The following LYST variants were observed in gnomAD, a reference collection of about 807,000 sequenced individuals.
LYST encodes lysosomal trafficking regulator, also known as lysosomal-trafficking regulator.
A neutral mutation model predicts 413.6 loss-of-function variants in LYST; 192 were observed. The observed-to-expected ratio is 0.46, with a 90% CI of 0.41 to 0.52. LYST has a LOEUF of 0.52. LYST is among the 20% of genes least tolerant of loss of function. The probability of loss-of-function intolerance (pLI) is 0.00; values close to 1 mark genes in which losing one functional copy is unlikely to be tolerated. For synonymous variants in LYST, 1,525 were observed against 1,567.3 expected (o/e 0.97, Z 0.64); for missense variants, 3,815 against 4,499.9 (o/e 0.85, Z 4.35).
intron 44 of LYST, among the ~76,000 whole-genome samples, chr1:235,706,555 A>G (rs1023005532): frequency 3.3e-5 from 5 of 152,164 alleles, no homozygotes; most frequent in Non-Finnish European, 7.4e-5. Flanking sequence ...CATTAAATAA[A>G]TTTATATGCT....
chr1:235,741,120 C>T (rs917806310), intron 31 of LYST, among the ~76,000 whole-genome samples: 1 of 151,996 alleles, frequency 6.6e-6, no homozygotes, highest in Non-Finnish European at 1.5e-5. Context: ...TTTAAAAAGC[C>T]TCCAAACAAT....
chr1:235,807,556 C>T (rs542692822), intron 5 of LYST, among the ~76,000 whole-genome samples: 4 of 152,106 alleles, frequency 2.6e-5, no homozygotes, highest in African/African-American at 9.7e-5. Context: ...ATTGATTTAA[C>T]ATCAATAATA....
At chr1:235,817,053 G>A (rs1259884595) in intron 3 of LYST, among the ~76,000 whole-genome samples, 2 of 151,982 alleles carry the variant, frequency 1.3e-5, no homozygotes, top group African/African-American at 2.4e-5. Context: ...ATTAAAAAGC[G>A]GCCAAAGGAC....
intron 1 of LYST, among the ~76,000 whole-genome samples, chr1:235,876,768 A>G (rs896630558): frequency 6.6e-6 from 1 of 152,232 alleles, no homozygotes; most frequent in African/African-American, 2.4e-5. Flanking sequence ...TGAGAGGCAC[A>G]GTCCTGTCAT....
Position 235,661,507 on chromosome 1 carries a change from A to G in LYST, c.*1433T>C, listed in dbSNP as rs1203382765. The G allele has an allele frequency of 6.6e-6, 1 of 152,444 alleles. No homozygotes were observed. Among genetic ancestry groups the G allele is most frequent in the East Asian group, 1.9e-4 (1 of 5,192 alleles). The allele number at this position is 152,444 out of a possible 1,614,324, so 9.4% of individuals were successfully genotyped here. Reference sequence around the variant, plus strand: ...GTGATCTAAATGCAGCCTAGGTATCACTACATGTGTATGCAGTTTAAGGTT... The same window carrying G: ...GTGATCTAAATGCAGCCTAGGTATCGCTACATGTGTATGCAGTTTAAGGTT... On this transcript the variant is annotated 3_prime_UTR_variant, in exon 53 of 53. Transcript: ENST00000389793.
At chr1:235,751,543 C>T (rs113957818) in intron 27 of LYST, among the ~76,000 whole-genome samples, 181 bp from the exon 28 acceptor site, 2 of 152,204 alleles carry the variant, frequency 1.3e-5, no homozygotes, top group African/African-American at 2.4e-5. Flanking sequence ...AGCAAATTTA[C>T]AAATGGTCAC....
At chr1:235,821,946 G>T (rs561333902) in intron 3 of LYST, among the ~76,000 whole-genome samples, 5 of 152,290 alleles carry the variant, frequency 3.3e-5, no homozygotes, top group African/African-American at 1.2e-4. Flanking sequence ...AGTACTACTA[G>T]GAATCTTCAG....
intron 48 of LYST, among the ~76,000 whole-genome samples, chr1:235,684,262 T>C (rs2103051705): frequency 6.6e-6 from 1 of 152,260 alleles, no homozygotes; most frequent in Non-Finnish European, 1.5e-5. Flanking sequence ...CTGCACACTG[T>C]GTTAGTGCAC....
At chr1:235,730,203 T>G (rs578171871) in intron 36 of LYST, among the ~76,000 whole-genome samples, 24 of 152,174 alleles carry the variant, frequency 1.6e-4, no homozygotes, top group African/African-American at 5.8e-4. Context: ...TTTTCATCTA[T>G]GAAATGGGTA....
chr1:235,723,974 C>T (rs1663618691), intron 39 of LYST, 54 bp downstream of exon 39: 3 of 1,423,626 alleles, frequency 2.1e-6, no homozygotes, highest in South Asian at 2.3e-5. Context: ...AGTATAGTTA[C>T]AGTGGCCCAT....
intron 1 of LYST, among the ~76,000 whole-genome samples, chr1:235,862,802 AACAAAC>A (rs1402545185): frequency 5.4e-4 from 53 of 98,296 alleles, no homozygotes; most frequent in African/African-American, 1.7e-3. Context: ...TCTCAAAACA[AACAAAC>A]ACACACACAC....
At chr1:235,734,418 A>G in intron 32 of LYST, 65 bp downstream of exon 32, 1 of 1,233,164 alleles carries the variant, frequency 8.1e-7, no homozygotes, top group Non-Finnish European at 1.2e-6. Flanking sequence ...TTAAAAAAGT[A>G]GTGTCAATCA....
chr1:235,804,800 CTATA>C, intron 6 of LYST, 135 bp from the exon 7 acceptor site: 5 of 617,658 alleles, frequency 8.1e-6, no homozygotes, highest in South Asian at 4.1e-5. Flanking sequence ...AGCAAAATGA[CTATA>C]TAAATATCTA....
chr1:235,857,782 CACATAT>C (rs1473824749), intron 1 of LYST, among the ~76,000 whole-genome samples: 2,168 of 119,516 alleles, frequency 0.018, 28 homozygotes, highest in Non-Finnish European at 0.026. Context: ...CACACACACA[CACATAT>C]ATATATAAAA....
chr1:235,745,144 T>G (rs1222072930), intron 29 of LYST, among the ~76,000 whole-genome samples: 1 of 152,180 alleles, frequency 6.6e-6, no homozygotes, highest in African/African-American at 2.4e-5. Context: ...GGTGTTTTGA[T>G]ATATGAATAC....
intron 20 of LYST, 26 bp from the exon 21 acceptor site, chr1:235,766,303 T>C (rs1348007748): frequency 6.5e-7 from 1 of 1,538,862 alleles, no homozygotes; most frequent in African/African-American, 1.4e-5. Context: ...AAACTCTCTT[T>C]AGATTTAAAG....
chr1:235,662,803 A>G lies in LYST; in HGVS notation c.*137T>C, dbSNP rs1211202000. ...CATGTGACTCTTCAGAATTTTGTGC[A>G]GATGAATAGACTTTATCATTATTTG... On this transcript the variant is annotated 3_prime_UTR_variant, in exon 53 of 53. Coordinates refer to ENST00000389793, the MANE Select transcript of LYST (RefSeq NM_000081.4). 5.3e-6 allele frequency: 4 copies of G among 761,766 alleles called. No homozygotes were observed. The highest frequency in any genetic ancestry group is 5.1e-5 in the African/African-American group (3 of 58,976). 47.2% of individuals were successfully genotyped at this position (761,766 alleles called of 1,614,324 possible).
intron 15 of LYST, 115 bp downstream of exon 15, chr1:235,781,812 T>G (rs917751491): frequency 5.6e-6 from 4 of 719,376 alleles, no homozygotes; most frequent in Non-Finnish European, 9.8e-6. Context: ...GCCAGGTTAA[T>G]TTACTTAGTT....
At chr1:235,738,654 G>C (rs76152668) in intron 31 of LYST, 1 of 1,607,540 alleles carries the variant, frequency 6.2e-7, no homozygotes, top group East Asian at 2.2e-5. Context: ...CCCAGATTTA[G>C]GGACTGACAT....
Sources: gnomAD v4.1 joint callset for allele counts (sites outside exome capture counted in the v4.1 genomes callset) on GRCh38, gnomAD v4.1.1 for gene constraint, MANE v1.5 for transcripts, NCBI Gene and HGNC (gene_info 2026-07-23, HGNC 2026-07-21) for gene names.